ARHGEF38: variants seen among roughly 807,000 people sequenced by gnomAD.
ARHGEF38 encodes Rho guanine nucleotide exchange factor (GEF) 38.
ARHGEF38 carries 79 observed loss-of-function variants against 79.9 expected under a neutral mutation model. The observed-to-expected ratio is 0.99, with a 90% CI of 0.82 to 1.19. The LOEUF is 1.19. Among genes scored for constraint, ARHGEF38 ranks in the 50% most tolerant of loss-of-function variants. The probability of loss-of-function intolerance (pLI) is 0.00; values close to 1 mark genes in which losing one functional copy is unlikely to be tolerated. For missense variants in ARHGEF38, 962 were observed against 907.2 expected, an observed-to-expected ratio of 1.06 and a Z score of -0.78; for synonymous variants, 366 against 328.3, an observed-to-expected ratio of 1.11 and a Z score of -1.24.
At chr4:105,666,858 AT>A (rs894588721) in intron 11 of ARHGEF38, among the ~76,000 whole-genome samples, 4 of 152,216 alleles carry the variant, frequency 2.6e-5, no homozygotes, top group African/African-American at 9.7e-5. Context: ...GTTGTGCAAC[AT>A]CCAAGAGGGA....
intron 1 of ARHGEF38, among the ~76,000 whole-genome samples, chr4:105,567,315 C>T (rs959370800): frequency 1.3e-5 from 2 of 152,142 alleles, no homozygotes; most frequent in Non-Finnish European, 2.9e-5. Flanking sequence ...AATTCTTAAT[C>T]TTTTAAATTT....
chr4:105,657,051 T>G (rs904204820), intron 9 of ARHGEF38, among the ~76,000 whole-genome samples: 2 of 151,092 alleles, frequency 1.3e-5, no homozygotes, highest in Admixed American at 1.3e-4. Flanking sequence ...GATAGATAGA[T>G]GATAGATAGA....
At chr4:105,586,261 A>G (rs1308533015) in intron 1 of ARHGEF38, among the ~76,000 whole-genome samples, 1 of 126,810 alleles carries the variant, frequency 7.9e-6, no homozygotes, top group Non-Finnish European at 1.7e-5. Flanking sequence ...AGTGTTTAGA[A>G]ACCTGACCAT....
chr4:105,561,400 T>TAGAATAGAATGG (rs59437354), intron 1 of ARHGEF38, among the ~76,000 whole-genome samples: 1,457 of 30,428 alleles, frequency 0.048, 188 homozygotes, highest in Non-Finnish European at 0.073. Flanking sequence ...TAGAGTAGAA[T>TAGAATAGAATGG]AATAGAATAG....
At position 105,679,433 on chromosome 4, in the gene ARHGEF38, G is replaced by A; in HGVS notation, c.*1496G>A. ...TTCTAAGTTCTTTCCAAGCACAGCT[G>A]ACATCCTGTATTTCCTCTAGGCTTT... On this transcript the variant is annotated 3_prime_UTR_variant, in exon 14 of 14. Coordinates refer to ENST00000420470, the MANE Select transcript of ARHGEF38 (RefSeq NM_001242729.2). The A allele has an allele frequency of 6.3e-7, 1 of 1,587,248 alleles. No individual in the cohort carries two copies. The highest frequency in any genetic ancestry group is 8.6e-7 in the Non-Finnish European group (1 of 1,158,084).
chr4:105,657,077 T>A (rs1730363285), intron 9 of ARHGEF38, among the ~76,000 whole-genome samples: 1 of 151,936 alleles, frequency 6.6e-6, no homozygotes, highest in Admixed American at 6.6e-5. Flanking sequence ...AGATAGATAG[T>A]TTTTACAGTA....
intron 10 of ARHGEF38, among the ~76,000 whole-genome samples, chr4:105,662,836 A>G (rs931701595): frequency 6.6e-6 from 1 of 152,188 alleles, no homozygotes; most frequent in Admixed American, 6.5e-5. Context: ...ACTTTGAATC[A>G]TGTGATTTTT....
At chr4:105,628,208 G>T (rs1729033366) in intron 3 of ARHGEF38, among the ~76,000 whole-genome samples, 1 of 152,172 alleles carries the variant, frequency 6.6e-6, no homozygotes, top group Admixed American at 6.5e-5. Flanking sequence ...GTGGATTTGT[G>T]AGATTGTCCT....
intron 5 of ARHGEF38, among the ~76,000 whole-genome samples, chr4:105,639,957 C>A (rs1729553107): frequency 6.6e-6 from 1 of 152,046 alleles, no homozygotes. Context: ...GTAATCCCCT[C>A]TTCTCCTGCC....
At chr4:105,662,583 G>A (rs1385872006) in intron 10 of ARHGEF38, among the ~76,000 whole-genome samples, 2 of 151,946 alleles carry the variant, frequency 1.3e-5, no homozygotes, top group South Asian at 2.1e-4. Context: ...GGTTCATGTT[G>A]TAAAATATGG....
chr4:105,640,727 C>T (rs1242689762), intron 5 of ARHGEF38, among the ~76,000 whole-genome samples: 1 of 152,110 alleles, frequency 6.6e-6, no homozygotes, highest in East Asian at 1.9e-4. Flanking sequence ...TACTCTCACG[C>T]TTGGTTTATA....
chr4:105,636,427 A>C lies in ARHGEF38; in HGVS notation c.674+7A>C. On this transcript the variant is annotated splice_region_variant and intron_variant, in intron 5 of 13. Coordinates refer to ENST00000420470, the MANE Select transcript of ARHGEF38 (RefSeq NM_001242729.2). ...GGAAAATATACATGCAAGAGTAAGT[A>C]CTTTTTAAAATAATATAAATCAAAT... 2.4e-6 allele frequency: 1 copy of C among 425,296 alleles called. No homozygotes were observed. Among genetic ancestry groups the C allele is most frequent in the Non-Finnish European group, 3.6e-6 (1 of 279,736 alleles). The allele number at this position is 425,296 out of a possible 1,614,324, so 26.3% of individuals were successfully genotyped here. A position where few individuals can be genotyped will look rare whatever the true frequency, so the allele number is the denominator to read the frequency against.
chr4:105,615,866 T>A (rs1486174691), intron 3 of ARHGEF38, among the ~76,000 whole-genome samples: 3 of 152,156 alleles, frequency 2.0e-5, no homozygotes, highest in African/African-American at 4.8e-5. Context: ...GCTGATTAAA[T>A]GATGCTGTTT....
chr4:105,558,681 T>A (rs529455772), intron 1 of ARHGEF38, among the ~76,000 whole-genome samples: 1 of 152,314 alleles, frequency 6.6e-6, no homozygotes, highest in South Asian at 2.1e-4. Flanking sequence ...AAATAATGTG[T>A]GAGTCACAGA....
chr4:105,573,204 A>G (rs1239278654), intron 1 of ARHGEF38, among the ~76,000 whole-genome samples: 1 of 152,008 alleles, frequency 6.6e-6, no homozygotes, highest in Non-Finnish European at 1.5e-5. Context: ...TATTTTGTTG[A>G]TAGTGTCTTC....
At chr4:105,557,173 A>G (rs1446942051) in intron 1 of ARHGEF38, among the ~76,000 whole-genome samples, 2 of 152,104 alleles carry the variant, frequency 1.3e-5, no homozygotes, top group East Asian at 3.9e-4. Context: ...CCTAATTTAA[A>G]TAGTTATACA....
intron 13 of ARHGEF38, among the ~76,000 whole-genome samples, chr4:105,671,337 T>TA (rs1330417758): frequency 6.6e-6 from 1 of 152,128 alleles, no homozygotes; most frequent in Non-Finnish European, 1.5e-5. Flanking sequence ...CCAATAAACT[T>TA]ACTGCAAGAT....
intron 3 of ARHGEF38, among the ~76,000 whole-genome samples, chr4:105,629,922 C>A (rs1285338189): frequency 6.6e-6 from 1 of 152,086 alleles, no homozygotes; most frequent in African/African-American, 2.4e-5. Context: ...TATTTTATTT[C>A]TCTAAACTCC....
rs1560684148 is a variant in ARHGEF38, at chr4:105,561,407, ATAGAATAG to A, written c.196+8447_196+8454del. 4.2e-4 allele frequency among the ~76,000 whole-genome samples: 16 copies of A among 38,192 alleles called. 1 individual carries two copies. Among genetic ancestry groups the A allele is most frequent in the African/African-American group, 1.5e-3 (15 of 9,928 alleles). The allele number at this position is 38,192 out of a possible 152,430, so 25.1% of individuals were successfully genotyped here. ...CTCAAAAATAGAGTAGAATAATAGA[ATAGAATAG>A]AATAGAATGGAATAGAATAGAATAG... On this transcript the variant is annotated intron_variant, in intron 1 of 13. Coordinates refer to ENST00000420470, the MANE Select transcript of ARHGEF38 (RefSeq NM_001242729.2).
Sources: gnomAD v4.1 joint callset for allele counts (sites outside exome capture counted in the v4.1 genomes callset) on GRCh38, gnomAD v4.1.1 for gene constraint, MANE v1.5 for transcripts, NCBI Gene and HGNC (gene_info 2026-07-23, HGNC 2026-07-21) for gene names.